The following MACROD2 variants were observed in gnomAD, a reference collection of about 807,000 sequenced individuals.
MACROD2 encodes the protein mono-ADP ribosylhydrolase 2.
MACROD2 carries 36 observed loss-of-function variants against 70.4 expected under a neutral mutation model. The ratio of observed to expected loss-of-function variants is 0.51; its 90% CI spans 0.39 to 0.68. The LOEUF is 0.68. Ranked by LOEUF, MACROD2 falls within the 30% of genes least tolerant of loss-of-function variation. MACROD2 has a pLI of 0.00. For synonymous variants in MACROD2, 172 were observed against 178.8 expected, an observed-to-expected ratio of 0.96 and a Z score of 0.30; for missense variants, 496 against 538.4, an observed-to-expected ratio of 0.92 and a Z score of 0.78.
chr20:15,781,573 G>T (rs1218411660), intron 8 of MACROD2, among the ~76,000 whole-genome samples: 1 of 152,142 alleles, frequency 6.6e-6, no homozygotes, highest in East Asian at 1.9e-4. Flanking sequence ...GAAGAACACT[G>T]TGTCCCCACA....
intron 2 of MACROD2, among the ~76,000 whole-genome samples, chr20:14,036,454 G>A (rs1414658609): frequency 2.0e-5 from 3 of 152,086 alleles, no homozygotes; most frequent in South Asian, 2.1e-4. Flanking sequence ...GGTGTTTTCC[G>A]GTGGTTTCTC....
At chr20:14,852,586 C>T (rs2073210997) in intron 5 of MACROD2, among the ~76,000 whole-genome samples, 1 of 152,010 alleles carries the variant, frequency 6.6e-6, no homozygotes, top group African/African-American at 2.4e-5. Flanking sequence ...CGAGCAGGCC[C>T]CTTAGGTGGC....
chr20:15,975,008 C>T (rs947669668), intron 13 of MACROD2, among the ~76,000 whole-genome samples: 5 of 150,850 alleles, frequency 3.3e-5, no homozygotes, highest in African/African-American at 7.3e-5. Context: ...CAAATGACAA[C>T]AAAAGAGCTA....
chr20:15,017,807 A>C (rs1419112423), intron 5 of MACROD2, among the ~76,000 whole-genome samples: 1 of 152,198 alleles, frequency 6.6e-6, no homozygotes, highest in Non-Finnish European at 1.5e-5. Context: ...CCCAAGCTTT[A>C]TGTTGGCCCC....
chr20:15,230,094 T>C, intron 6 of MACROD2, 33 bp downstream of exon 6: 1 of 1,567,320 alleles, frequency 6.4e-7, no homozygotes, highest in East Asian at 2.2e-5. Flanking sequence ...TTTCTCACTC[T>C]TTTTCAACCT....
intron 15 of MACROD2, among the ~76,000 whole-genome samples, chr20:16,036,455 C>A (rs958024076): frequency 1.3e-5 from 2 of 152,038 alleles, no homozygotes; most frequent in African/African-American, 4.8e-5. Flanking sequence ...AGTACAGTTG[C>A]AGTTGTTGAT....
chr20:14,093,432 A>G (rs2054179414), intron 3 of MACROD2, among the ~76,000 whole-genome samples: 1 of 152,090 alleles, frequency 6.6e-6, no homozygotes, highest in African/African-American at 2.4e-5. Flanking sequence ...GTCTGTACAA[A>G]AAAGAGGTGT....
chr20:14,613,135 G>A (rs1405237295), intron 4 of MACROD2, among the ~76,000 whole-genome samples: 1 of 152,044 alleles, frequency 6.6e-6, no homozygotes, highest in African/African-American at 2.4e-5. Context: ...CAGGGGTATA[G>A]TGGAAATTGT....
rs768626609 is a variant in MACROD2, at chr20:15,230,074, A to G, written c.540+13A>G. 1.9e-6 allele frequency: 3 copies of G among 1,609,958 alleles called. No homozygotes were observed. Among genetic ancestry groups the G allele is most frequent in the Non-Finnish European group, 2.5e-6 (3 of 1,177,740 alleles). On this transcript the variant is annotated intron_variant, in intron 6 of 17. Transcript: ENST00000684519. Reference sequence around the variant, plus strand: ...CATCCGATCAGTTGTAAGTAATTTTATGTTTTTTATTTCTCACTCTTTTTC... The same window carrying G: ...CATCCGATCAGTTGTAAGTAATTTTGTGTTTTTTATTTCTCACTCTTTTTC...
intron 1 of MACROD2, among the ~76,000 whole-genome samples, chr20:14,001,466 G>C (rs2052731844): frequency 6.6e-6 from 1 of 151,840 alleles, no homozygotes; most frequent in African/African-American, 2.4e-5. Flanking sequence ...AAATATCTTG[G>C]TGGTTGCCTT....
intron 3 of MACROD2, among the ~76,000 whole-genome samples, chr20:14,383,571 T>G (rs2083444012): frequency 6.6e-6 from 1 of 152,190 alleles, no homozygotes; most frequent in Admixed American, 6.5e-5. Context: ...ATAGAAAGAC[T>G]TTATGCATAT....
intron 3 of MACROD2, among the ~76,000 whole-genome samples, chr20:14,335,447 A>G (rs894593439): frequency 3.9e-5 from 6 of 152,004 alleles, no homozygotes; most frequent in African/African-American, 1.5e-4. Context: ...AGGCTCCTTA[A>G]TTAACACTTG....
Position 14,056,695 on chromosome 20 carries a change from C to A in MACROD2, c.164-28926C>A, listed in dbSNP as rs557947578. Among the ~76,000 whole-genome samples, 3 of 151,968 alleles carry A rather than the reference C, an allele frequency of 2.0e-5. No individual in the cohort carries two copies. The East Asian group carries it at 5.8e-4, about 29-fold the overall frequency. On this transcript the variant is annotated intron_variant, in intron 2 of 17. Coordinates refer to ENST00000684519, the MANE Select transcript of MACROD2 (RefSeq NM_001351661.2). ...ATATAATCAGAGAATAAGGAATGTA[C>A]AGTTTCTGGTTTTTGAGAATTAAAA...
At chr20:14,325,507 C>T (rs1488580354) in intron 3 of MACROD2, 2 of 1,551,702 alleles carry the variant, frequency 1.3e-6, no homozygotes, top group Middle Eastern at 1.8e-4. Flanking sequence ...CCATCACCTC[C>T]CTTAGGTTTA....
At chr20:15,315,844 A>C (rs933992495) in intron 6 of MACROD2, among the ~76,000 whole-genome samples, 7 of 152,214 alleles carry the variant, frequency 4.6e-5, no homozygotes, top group Admixed American at 2.0e-4. Flanking sequence ...ATGATTTAAA[A>C]GGCAAATGCA....
At chr20:14,733,161 T>C (rs1018337436) in intron 5 of MACROD2, among the ~76,000 whole-genome samples, 5 of 152,200 alleles carry the variant, frequency 3.3e-5, no homozygotes, top group Non-Finnish European at 7.3e-5. Flanking sequence ...AGAACTTGGA[T>C]TGAGTGGTTC....
intron 15 of MACROD2, among the ~76,000 whole-genome samples, chr20:16,008,577 T>C (rs1470451933): frequency 6.6e-6 from 1 of 152,170 alleles, no homozygotes; most frequent in African/African-American, 2.4e-5. Context: ...CATGAACAGG[T>C]CATTTAACTT....
chr20:15,776,911 A>G (rs1182904773), intron 8 of MACROD2, among the ~76,000 whole-genome samples: 2 of 152,198 alleles, frequency 1.3e-5, no homozygotes, highest in Non-Finnish European at 2.9e-5. Context: ...TGCAATCACT[A>G]TAAGTACTTA....
intron 10 of MACROD2, among the ~76,000 whole-genome samples, chr20:15,925,340 C>G (rs1377852411): frequency 6.6e-6 from 1 of 152,192 alleles, no homozygotes; most frequent in Non-Finnish European, 1.5e-5. Context: ...TGCTTTGTAT[C>G]TCTGCAAGGC....
Sources: allele counts gnomAD v4.1 joint callset (sites outside exome capture counted in the v4.1 genomes callset), GRCh38; gene constraint gnomAD v4.1.1; transcripts MANE v1.5; gene names NCBI Gene and HGNC (gene_info 2026-07-23, HGNC 2026-07-21).